SCN8A: variants seen among roughly 807,000 people sequenced by gnomAD.
SCN8A encodes sodium voltage-gated channel alpha subunit 8, also known as sodium channel protein type 8 subunit alpha.
SCN8A carries 30 observed loss-of-function variants against 184.1 expected under a neutral mutation model. That is an observed-to-expected ratio of 0.16 (90% confidence interval 0.12 to 0.22). The LOEUF is 0.22. Among genes scored for constraint, SCN8A ranks in the 10% least tolerant of loss-of-function variants. SCN8A has a pLI of 1.00. For synonymous variants in SCN8A, 852 were observed against 907.0 expected (o/e 0.94, Z 1.09); for missense variants, 1,057 against 2,498.9 (o/e 0.42, Z 12.30).
chr12:51,660,217 T>C (rs1443936621), intron 1 of SCN8A, among the ~76,000 whole-genome samples: 1 of 151,950 alleles, frequency 6.6e-6, no homozygotes, highest in African/African-American at 2.4e-5. Context: ...AAAGGTACAA[T>C]TGAAGATGGG....
At position 51,773,117 on chromosome 12, in the gene SCN8A, C is replaced by CAAA. The variant is rs555971067; in HGVS notation, c.3646-1061_3646-1059dup. Among the ~76,000 whole-genome samples, 1,172 of 134,464 alleles carry CAAA rather than the reference C, an allele frequency of 8.7e-3. 20 individuals are homozygous for CAAA. The highest frequency in any genetic ancestry group is 0.038 in the Middle Eastern group (10 of 260). The allele number at this position is 134,464 out of a possible 152,430, so 88.2% of individuals were successfully genotyped here. A position where few individuals can be genotyped will look rare whatever the true frequency, so the allele number is the denominator to read the frequency against. On this transcript the variant is annotated intron_variant, in intron 19 of 26. Transcript: ENST00000627620. ...GGGCAACTGAGCGAGACTCCGTCTC[C>CAAA]AAAAAAAAAAAAAGAGAGAAAGTGG...
Position 51,751,613 on chromosome 12 carries a change from C to T in SCN8A, c.2370+20C>T. ...AATCTGGTAAGATGGAACACTGTCT[C>T]CCGATATTAGGATTGGAATGTGTTT... On this transcript the variant is annotated intron_variant, in intron 14 of 26. Coordinates refer to ENST00000627620, the MANE Select transcript of SCN8A (RefSeq NM_001330260.2). 6.5e-7 allele frequency: 1 copy of T among 1,542,916 alleles called. No homozygotes were observed.
chr12:51,744,073 G>A (rs1452917652), intron 12 of SCN8A, among the ~76,000 whole-genome samples: 1 of 152,226 alleles, frequency 6.6e-6, no homozygotes, highest in African/African-American at 2.4e-5. Flanking sequence ...AGGCTGAGGT[G>A]GGAGGATCAC....
rs185294247 is a variant in SCN8A, at chr12:51,651,993, C to G, written c.-54-10771C>G. Among the ~76,000 whole-genome samples the G allele has an allele frequency of 4.1e-4, 63 of 152,166 alleles. 1 individual carries two copies. The highest frequency in any genetic ancestry group is 3.5e-3 in the Admixed American group (54 of 15,294). ...TTTGTGAATTCTTGACTTTTTGTTC[C>G]AAACAAGAAGACTAAATAAATAGCA... On this transcript the variant is annotated intron_variant, in intron 1 of 26. Transcript: ENST00000627620.
intron 10 of SCN8A, among the ~76,000 whole-genome samples, 181 bp from the exon 11 acceptor site, chr12:51,706,241 T>C (rs1426732776): frequency 6.6e-6 from 1 of 152,244 alleles, no homozygotes; most frequent in East Asian, 1.9e-4. Context: ...CACTGGGTTC[T>C]GCTCTGTTCA....
intron 1 of SCN8A, among the ~76,000 whole-genome samples, chr12:51,650,657 A>T (rs546681913): frequency 2.6e-5 from 4 of 152,218 alleles, no homozygotes; most frequent in Admixed American, 2.6e-4. Context: ...CAGCACTGTG[A>T]CATGTTCATG....
At chr12:51,692,339 C>T (rs113410339) in intron 6 of SCN8A, among the ~76,000 whole-genome samples, 2 of 152,282 alleles carry the variant, frequency 1.3e-5, no homozygotes, top group African/African-American at 4.8e-5. Context: ...CTGAGTATGT[C>T]AGGGCCGCCA....
chr12:51,738,074 G>A (rs186113511), intron 12 of SCN8A, among the ~76,000 whole-genome samples: 24 of 152,226 alleles, frequency 1.6e-4, no homozygotes, highest in African/African-American at 2.9e-4. Flanking sequence ...AACAATGGCC[G>A]CCATCAAAAA....
At chr12:51,711,979 A>G (rs753191315) in intron 11 of SCN8A, among the ~76,000 whole-genome samples, 21 of 152,184 alleles carry the variant, frequency 1.4e-4, no homozygotes, top group Non-Finnish European at 2.9e-4. Context: ...GTAATTAACA[A>G]TGATCTTTAC....
rs780883056 is a variant in SCN8A, at chr12:51,774,167, G to A, written c.3646-22G>A. On this transcript the variant is annotated intron_variant, in intron 19 of 26. Transcript: ENST00000627620. The stretch of plus-strand genomic sequence containing the variant: ...TGCTTGCCTTTAGGCACTGTCATAG[G>A]CAGCTGCTGCCTCTCTTTTAGGCCT... 3.1e-6 allele frequency: 5 copies of A among 1,611,936 alleles called. No individual in the cohort carries two copies. The Admixed American group carries it at 8.3e-5, about 27-fold the overall frequency.
At chr12:51,600,182 G>T (rs1440529317) in intron 1 of SCN8A, among the ~76,000 whole-genome samples, 3 of 152,128 alleles carry the variant, frequency 2.0e-5, no homozygotes, top group African/African-American at 7.2e-5. Context: ...TCGTTTGTGG[G>T]TCTCTACCCT....
chr12:51,610,958 A>G (rs1006279400), intron 1 of SCN8A, among the ~76,000 whole-genome samples: 5 of 152,172 alleles, frequency 3.3e-5, no homozygotes, highest in African/African-American at 1.2e-4. Flanking sequence ...TTGCCTTTGC[A>G]TATAAATTTC....
chr12:51,788,421 G>C (rs1938149794), intron 22 of SCN8A: 1 of 242,340 alleles, frequency 4.1e-6, no homozygotes, highest in Admixed American at 5.6e-5. Context: ...CTTTAGGCAG[G>C]CTTCTCAGGC....
intron 2 of SCN8A, among the ~76,000 whole-genome samples, chr12:51,678,409 A>G (rs1460241647): frequency 6.6e-6 from 1 of 152,242 alleles, no homozygotes; most frequent in Non-Finnish European, 1.5e-5. Flanking sequence ...AAAATGTGAG[A>G]GAATAAATAA....
At chr12:51,775,338 T>TAG (rs1472941527) in intron 20 of SCN8A, among the ~76,000 whole-genome samples, 1 of 152,232 alleles carries the variant, frequency 6.6e-6, no homozygotes, top group East Asian at 1.9e-4. Context: ...CATAGAAATC[T>TAG]CTCTGATGGC....
chr12:51,789,200 C>A, intron 23 of SCN8A, 81 bp from the exon 24 acceptor site: 1 of 1,486,330 alleles, frequency 6.7e-7, no homozygotes, highest in Non-Finnish European at 9.2e-7. Context: ...CTCAAATGGT[C>A]ACAGTTACGG....
intron 1 of SCN8A, among the ~76,000 whole-genome samples, chr12:51,639,886 T>C (rs1940408535): frequency 2.0e-5 from 1 of 50,268 alleles, no homozygotes; most frequent in Non-Finnish European, 4.0e-5. Context: ...ATGCTTTTTT[T>C]TTTTTTTTTT....
chr12:51,630,719 C>T (rs1478833302), intron 1 of SCN8A, among the ~76,000 whole-genome samples: 1 of 152,054 alleles, frequency 6.6e-6, no homozygotes, highest in African/African-American at 2.4e-5. Context: ...GATGCCAGTT[C>T]ATTGCACTTT....
At chr12:51,682,835 C>T (rs1941358143) in intron 2 of SCN8A, among the ~76,000 whole-genome samples, 1 of 152,030 alleles carries the variant, frequency 6.6e-6, no homozygotes, top group African/African-American at 2.4e-5. Flanking sequence ...GTCTGCTCTC[C>T]CTCTTCCCTA....
Sources: allele counts gnomAD v4.1 joint callset (sites outside exome capture counted in the v4.1 genomes callset), GRCh38; gene constraint gnomAD v4.1.1; transcripts MANE v1.5; gene names NCBI Gene and HGNC (gene_info 2026-07-23, HGNC 2026-07-21).